SMG6: variants seen among roughly 807,000 people sequenced by gnomAD.
The protein encoded by SMG6 is telomerase-binding protein EST1A.
In SMG6, 66 loss-of-function variants were observed where a neutral mutation model predicts 142.2. The ratio of observed to expected loss-of-function variants is 0.46; its 90% confidence interval spans 0.38 to 0.57. The LOEUF is 0.57. SMG6 is among the 20% of genes least tolerant of loss of function. SMG6 has a pLI of 0.00. For missense variants in SMG6, 1,793 were observed against 1,832.0 expected (o/e 0.98, Z 0.39); for synonymous variants, 779 against 702.4 (o/e 1.11, Z -1.72).
Position 2,085,993 on chromosome 17 carries a change from A to G in SMG6, c.3358-92T>C. 2 of 1,318,652 alleles carry G rather than the reference A, an allele frequency of 1.5e-6. No homozygotes were observed. Among genetic ancestry groups the G allele is most frequent in the Non-Finnish European group, 2.2e-6 (2 of 919,478 alleles). The allele number at this position is 1,318,652 out of a possible 1,614,324, so 81.7% of individuals were successfully genotyped here. A position where few individuals can be genotyped will look rare whatever the true frequency, so the allele number is the denominator to read the frequency against. On this transcript the variant is annotated intron_variant, in intron 13 of 18. Coordinates refer to ENST00000263073, the MANE Select transcript of SMG6 (RefSeq NM_017575.5). This position sits in a 1 kb window ranked among gnomAD's most constrained non-coding sequence, Gnocchi z 4.1. ...CTTGCCGGCTGAGGGGCACAGGGGA[A>G]CTGTGTCAAAGCTACCAGGCAAGGG...
chr17:2,298,099 G>GA, intron 2 of SMG6, 44 bp from the exon 3 acceptor site: 1 of 1,534,136 alleles, frequency 6.5e-7, no homozygotes, highest in Non-Finnish European at 8.7e-7. Flanking sequence ...ATACACCACA[G>GA]AAAAAGCTAG....
intron 15 of SMG6, among the ~76,000 whole-genome samples, chr17:2,076,946 C>T (rs553628108): frequency 6.6e-6 from 1 of 152,306 alleles, no homozygotes; most frequent in African/African-American, 2.4e-5. Context: ...ACCAGGCGCA[C>T]GGGAAGTCAA....
At position 2,196,753 on chromosome 17, in the gene SMG6, CG is replaced by C. The variant is rs550290375; in HGVS notation, c.2870-8239del. 6.1e-3 allele frequency among the ~76,000 whole-genome samples: 926 copies of C among 152,132 alleles called. 5 individuals are homozygous for C. The highest frequency in any genetic ancestry group is 0.01 in the Non-Finnish European group (693 of 68,012). On this transcript the variant is annotated intron_variant, in intron 10 of 18. Transcript: ENST00000263073. Reference sequence around the variant, plus strand: ...ATGTTAAGTTAATGAAGAAAGGGGCCGGGCATGGTGGTTCATGCCTATAATC... The same window carrying C: ...ATGTTAAGTTAATGAAGAAAGGGGCCGGCATGGTGGTTCATGCCTATAATC...
chr17:2,167,213 T>C (rs1317435481), intron 13 of SMG6, among the ~76,000 whole-genome samples: 1 of 142,746 alleles, frequency 7.0e-6, no homozygotes, highest in Non-Finnish European at 1.5e-5. Context: ...TAAGATATAA[T>C]GTAAGAGAAC....
intron 15 of SMG6, among the ~76,000 whole-genome samples, chr17:2,078,440 C>T (rs1157798402): frequency 2.0e-5 from 3 of 150,086 alleles, no homozygotes; most frequent in Non-Finnish European, 3.0e-5. Context: ...GGCTCGATCT[C>T]GGCTCACTGC....
At position 2,068,609 on chromosome 17, in the gene SMG6, T is replaced by C. The variant is rs556244372; in HGVS notation, c.3835+169A>G. Among the ~76,000 whole-genome samples, 4 of 152,318 alleles carry C rather than the reference T, an allele frequency of 2.6e-5. No homozygotes were observed. Among genetic ancestry groups the C allele is most frequent in the Middle Eastern group, 6.8e-3 (2 of 294 alleles). ...ATCAGCCATGAGAATGTGAACTACT[T>C]TGATTATTAAACAGTTTTCTTTGCC... is the stretch of plus-strand genomic sequence containing the variant. On this transcript the variant is annotated intron_variant, in intron 16 of 18. Coordinates refer to ENST00000263073, the MANE Select transcript of SMG6 (RefSeq NM_017575.5). This position sits in a 1 kb window ranked among gnomAD's most constrained non-coding sequence, Gnocchi z 6.7.
intron 13 of SMG6, among the ~76,000 whole-genome samples, chr17:2,128,411 A>T (rs911602069): frequency 6.6e-6 from 1 of 152,200 alleles, no homozygotes; most frequent in Non-Finnish European, 1.5e-5. Flanking sequence ...GTCAAGTAGA[A>T]CACTTTCCCC....
intron 13 of SMG6, among the ~76,000 whole-genome samples, chr17:2,118,412 A>T (rs1430052077): frequency 1.3e-5 from 2 of 152,084 alleles, no homozygotes; most frequent in Non-Finnish European, 2.9e-5. Context: ...AGTGGTGTGC[A>T]CCTGTAGTCC....
intron 13 of SMG6, chr17:2,087,974 G>A (rs2068610907): frequency 1.0e-6 from 1 of 985,684 alleles, no homozygotes; most frequent in African/African-American, 1.7e-5. Context: ...ATTATGTAAT[G>A]GGTCCAGGAT....
chr17:2,061,782 G>T, intron 18 of SMG6, 160 bp from the exon 19 acceptor site: 1 of 818,652 alleles, frequency 1.2e-6, no homozygotes, highest in Non-Finnish European at 1.9e-6. Context: ...TCTCAGCCCC[G>T]GGGACCCTCC....
rs556522847 is a variant in SMG6 at position 2,293,462 on chromosome 17, CT to C, written c.2152-486del. Among the ~76,000 whole-genome samples, 963 of 99,246 alleles carry C rather than the reference CT, an allele frequency of 9.7e-3. 5 individuals are homozygous for C. Among genetic ancestry groups the C allele is most frequent in the Non-Finnish European group, 0.018 (720 of 40,164 alleles). 65.1% of individuals were successfully genotyped at this position (99,246 alleles called of 152,430 possible). A position where few individuals can be genotyped will look rare whatever the true frequency, so the allele number is the denominator to read the frequency against. ...TATGAAAACAATTGTTTACTCTATT[CT>C]TTTTTTTCCCCCCTAATAATTTCTG... On this transcript the variant is annotated intron_variant, in intron 4 of 18. Coordinates refer to ENST00000263073, the MANE Select transcript of SMG6 (RefSeq NM_017575.5).
At chr17:2,277,172 A>ATTTT (rs764360988) in intron 8 of SMG6, among the ~76,000 whole-genome samples, 1 of 50,280 alleles carries the variant, frequency 2.0e-5, no homozygotes, top group Non-Finnish European at 4.8e-5. Context: ...TTTATTTTTT[A>ATTTT]TTTTTTTTTT....
intron 10 of SMG6, among the ~76,000 whole-genome samples, chr17:2,198,005 A>C (rs949712931): frequency 6.6e-6 from 1 of 152,128 alleles, no homozygotes; most frequent in Non-Finnish European, 1.5e-5. Context: ...ATGAAAACTT[A>C]CGTTTAGAAA....
At chr17:2,303,439 G>A (rs781094323) in intron 1 of SMG6, 194 bp downstream of exon 1, 5 of 1,299,106 alleles carry the variant, frequency 3.8e-6, no homozygotes, top group Non-Finnish European at 4.9e-6. Context: ...AGCTGGCCAG[G>A]ACTGGCCGAG....
chr17:2,065,741 G>T, intron 16 of SMG6, 62 bp from the exon 17 acceptor site: 1 of 1,395,094 alleles, frequency 7.2e-7, no homozygotes, highest in Non-Finnish European at 9.9e-7. Context: ...CTAGGCCTCT[G>T]TCCATTCACT....
chr17:2,093,762 A>G (rs2068786957), intron 13 of SMG6, among the ~76,000 whole-genome samples: 1 of 152,082 alleles, frequency 6.6e-6, no homozygotes, highest in Non-Finnish European at 1.5e-5. Flanking sequence ...CAGTCTCTTG[A>G]GCTCAAGCGG....
chr17:2,125,511 T>C (rs986767962), intron 13 of SMG6, among the ~76,000 whole-genome samples: 1 of 152,188 alleles, frequency 6.6e-6, no homozygotes, highest in Admixed American at 6.5e-5. Flanking sequence ...GGAGTTCCAA[T>C]AAATGGAAAA....
chr17:2,227,057 A>C (rs1386029497), intron 10 of SMG6, among the ~76,000 whole-genome samples: 2 of 152,214 alleles, frequency 1.3e-5, no homozygotes, highest in African/African-American at 4.8e-5. Context: ...AGAATAGCTA[A>C]AATAAAAAGA....
At chr17:2,302,571 T>C (rs1480973816) in intron 1 of SMG6, among the ~76,000 whole-genome samples, 3 of 152,120 alleles carry the variant, frequency 2.0e-5, no homozygotes, top group African/African-American at 7.2e-5. Context: ...ATAAAAAAGT[T>C]TTTAATCCTA....
Sources: gnomAD v4.1 joint callset for allele counts (sites outside exome capture counted in the v4.1 genomes callset) on GRCh38, gnomAD v4.1.1 for gene constraint, Gnocchi (gnomAD v3.1) non-coding constraint, MANE v1.5 for transcripts, NCBI Gene and HGNC (gene_info 2026-07-23, HGNC 2026-07-21) for gene names.